Variants in GNA11 observed in about 807,000 individuals in gnomAD.
GNA11 encodes guanine nucleotide-binding protein subunit alpha-11.
Under a neutral mutation model 38.2 loss-of-function variants are expected in GNA11, and 8 were observed. The ratio of observed to expected loss-of-function variants is 0.21; its 90% CI spans 0.12 to 0.38. The LOEUF (loss-of-function observed/expected upper bound fraction) is 0.38, where lower values mean the gene tolerates loss of function less well. GNA11 is among the 10% of genes least tolerant of loss of function. GNA11 has a pLI of 1.00. For synonymous variants in GNA11, 211 were observed against 221.4 expected (o/e 0.95, Z 0.42); for missense variants, 268 against 516.3 (o/e 0.52, Z 4.66).
intron 4 of GNA11, among the ~76,000 whole-genome samples, chr19:3,116,970 G>A (rs1913940818): frequency 6.6e-6 from 1 of 152,110 alleles, no homozygotes; most frequent in South Asian, 2.1e-4. Flanking sequence ...CGGCCTCCCA[G>A]CGCAGGCAGG....
Position 3,113,276 on chromosome 19 carries a change from G to T in GNA11, c.322-54G>T, listed in dbSNP as rs570162057. On this transcript the variant is annotated intron_variant, in intron 2 of 6. Coordinates refer to ENST00000078429, the MANE Select transcript of GNA11 (RefSeq NM_002067.5). ...GAAGAGGGGCCGTCACAAGCTTTCT[G>T]GTGGATGTGTGGCCCCAGCGAGCTC... The T allele has an allele frequency of 3.1e-5, 49 of 1,564,454 alleles. No individual in the cohort carries two copies. The South Asian group carries it at 4.9e-4, about 16-fold the overall frequency.
intron 1 of GNA11, among the ~76,000 whole-genome samples, chr19:3,106,783 G>A (rs751734409): frequency 2.2e-4 from 34 of 152,256 alleles, no homozygotes; most frequent in Non-Finnish European, 4.7e-4. Flanking sequence ...TGTGCATTGT[G>A]TGCATATATG....
At position 3,099,815 on chromosome 19, in the gene GNA11, C is replaced by T. The variant is rs112290284; in HGVS notation, c.136+5028C>T. Among the ~76,000 whole-genome samples, 517 of 152,306 alleles carry T rather than the reference C, an allele frequency of 3.4e-3. 1 individual carries two copies. The highest frequency in any genetic ancestry group is 0.012 in the African/African-American group (490 of 41,566). On this transcript the variant is annotated intron_variant, in intron 1 of 6. Transcript: ENST00000078429. ...AGGACAGCACTGGTGGGTGGGTCTT[C>T]GGGCCACCTGCAGGGCCTGGGAGCA...
chr19:3,099,678 C>G (rs1187011464), intron 1 of GNA11, among the ~76,000 whole-genome samples: 1 of 152,214 alleles, frequency 6.6e-6, no homozygotes, highest in African/African-American at 2.4e-5. Context: ...GTGGTCCAGT[C>G]TCCCACCCTC....
Position 3,121,014 on chromosome 19 carries a change from G to A in GNA11, c.915G>A (p.Ala305=), listed in dbSNP as rs750757769. 2.5e-5 allele frequency: 41 copies of A among 1,613,436 alleles called. No homozygotes were observed. In the East Asian group the frequency reaches 4.9e-4, roughly 19 times the overall value. ...GTCCCCAGCGGGACGCCCAGGCGGC[G>A]CGGGAGTTCATCCTGAAGATGTTCG... is the stretch of plus-strand genomic sequence containing the variant. The part of the protein sequence containing the change: ...FDGPQRDAQA[A]REFILKMFVD... Residue 305 remains alanine, a synonymous_variant, in exon 7 of 7, where the codon GCG becomes GCA. Transcript: ENST00000078429.
rs1182692164 is a variant in GNA11, at chr19:3,095,969, TC to T, written c.136+1183del. On this transcript the variant is annotated intron_variant, in intron 1 of 6. Coordinates refer to ENST00000078429, the MANE Select transcript of GNA11 (RefSeq NM_002067.5). The stretch of plus-strand genomic sequence containing the variant: ...CTTCAGTGGTTTACAAAACAGAAGC[TC>T]TTGCCCTGCCCCGCCCCTGCCCTCC... Among the ~76,000 whole-genome samples the T allele has an allele frequency of 3.9e-5, 6 of 152,212 alleles. No homozygotes were observed. In the East Asian group the frequency reaches 1.2e-3, roughly 30 times the overall value.
At chr19:3,097,255 T>C (rs1474311402) in intron 1 of GNA11, among the ~76,000 whole-genome samples, 1 of 152,162 alleles carries the variant, frequency 6.6e-6, no homozygotes, top group Non-Finnish European at 1.5e-5. Context: ...CAGAGACCTC[T>C]GGGTGGAGGT....
chr19:3,102,297 A>C (rs1599297577), intron 1 of GNA11, among the ~76,000 whole-genome samples: 1 of 152,150 alleles, frequency 6.6e-6, no homozygotes, highest in African/African-American at 2.4e-5. Flanking sequence ...CCTTTGAGGC[A>C]CCTGGGGACT....
chr19:3,094,842 C>T lies in GNA11; in HGVS notation c.136+55C>T. On this transcript the variant is annotated intron_variant, in intron 1 of 6. Coordinates refer to ENST00000078429, the MANE Select transcript of GNA11 (RefSeq NM_002067.5). This position sits in a 1 kb window ranked among gnomAD's most constrained non-coding sequence, Gnocchi z 6.0. ...CGGGCCCTGCCCTGCCTGTGCCTGC[C>T]CTGCCTGTCCGGGTCGGGCCGGGAC... 1 of 1,336,594 alleles carries T rather than the reference C, an allele frequency of 7.5e-7. No individual in the cohort carries two copies. Among genetic ancestry groups the T allele is most frequent in the South Asian group, 1.6e-5 (1 of 63,796 alleles). The allele number at this position is 1,336,594 out of a possible 1,614,324, so 82.8% of individuals were successfully genotyped here.
intron 4 of GNA11, 109 bp downstream of exon 4, chr19:3,115,181 A>G (rs1216765803): frequency 2.3e-6 from 3 of 1,276,696 alleles, no homozygotes; most frequent in Admixed American, 1.9e-5. Flanking sequence ...AGGCGGGAGG[A>G]TCGCCTGAGT....
chr19:3,107,740 G>A (rs1274081692), intron 1 of GNA11, among the ~76,000 whole-genome samples: 2 of 152,180 alleles, frequency 1.3e-5, no homozygotes, highest in Non-Finnish European at 2.9e-5. Context: ...AGATGGAGTG[G>A]GTGGGGGCCA....
At chr19:3,116,727 C>T (rs308049) in intron 4 of GNA11, among the ~76,000 whole-genome samples, 33,398 of 152,224 alleles carry the variant, frequency 0.22, 4,505 homozygotes, top group Non-Finnish European at 0.29. Context: ...GCGGTGGCTC[C>T]GGTTGCGGGT....
intron 4 of GNA11, 159 bp from the exon 5 acceptor site, chr19:3,118,761 GCTCT>G: frequency 1.5e-6 from 1 of 650,628 alleles, no homozygotes. Flanking sequence ...CGGTGCGGCC[GCTCT>G]CTGAGAGCGT....
rs200749843 is a variant in GNA11 at position 3,096,711 on chromosome 19, C to CG, written c.136+1924_136+1925insG. Among the ~76,000 whole-genome samples, 337 of 151,706 alleles carry CG rather than the reference C, an allele frequency of 2.2e-3. 9 individuals are homozygous for CG. In the East Asian group the frequency reaches 0.057, roughly 26 times the overall value. On this transcript the variant is annotated intron_variant, in intron 1 of 6. Transcript: ENST00000078429. ...AGCACCTGTGTCTGCAGTCCCACCC[C>CG]CTCCCACTCTGTGAGCCTGAAAGTT...
rs1453499429 is a variant in GNA11, at chr19:3,094,862, C to T, written c.136+75C>T. ...CCTGCCCTGCCTGTCCGGGTCGGGCCGGGACCCTCCGGGGTCAGCCCTGCC... is the reference window on the plus strand; with the variant it reads ...CCTGCCCTGCCTGTCCGGGTCGGGCTGGGACCCTCCGGGGTCAGCCCTGCC... On this transcript the variant is annotated intron_variant, in intron 1 of 6. Coordinates refer to ENST00000078429, the MANE Select transcript of GNA11 (RefSeq NM_002067.5). The surrounding 1 kb of genome is among the most constrained non-coding windows in gnomAD (Gnocchi z 6.0). 7.0e-6 allele frequency: 8 copies of T among 1,145,302 alleles called. No homozygotes were observed. In the East Asian group the frequency reaches 1.9e-4, roughly 27 times the overall value. The allele number at this position is 1,145,302 out of a possible 1,614,324, so 70.9% of individuals were successfully genotyped here.
At chr19:3,111,949 C>T (rs967643596) in intron 2 of GNA11, among the ~76,000 whole-genome samples, 1 of 152,240 alleles carries the variant, frequency 6.6e-6, no homozygotes, top group Non-Finnish European at 1.5e-5. Context: ...CTGTGGCCCT[C>T]TCTGAGAGTC....
intron 1 of GNA11, among the ~76,000 whole-genome samples, chr19:3,098,676 G>A (rs919658362): frequency 4.6e-5 from 7 of 152,244 alleles, no homozygotes; most frequent in South Asian, 4.1e-4. Context: ...CATGGGGTGC[G>A]GTGGCCCCAC....
At chr19:3,113,607 C>T (rs533410209) in intron 3 of GNA11, 123 bp downstream of exon 3, 167 of 704,234 alleles carry the variant, frequency 2.4e-4, no homozygotes, top group Non-Finnish European at 3.3e-4. Flanking sequence ...GGCAGGGATG[C>T]GGTGGGCCCG....
At position 3,119,413 on chromosome 19, in the gene GNA11, GAGGGGGCTGATATGGGA is replaced by G. The variant is rs1389363342; in HGVS notation, c.889+55_889+71del. ...CTCGCGGGCAGGGCCTTACTGGGGG[GAGGGGGCTGATATGGGA>G]GAGGGGCTCATACAGGCCGGGAGCT... is the stretch of plus-strand genomic sequence containing the variant. On this transcript the variant is annotated intron_variant, in intron 6 of 6. Transcript: ENST00000078429. The surrounding 1 kb of genome is among the most constrained non-coding windows in gnomAD (Gnocchi z 4.6). 1.0e-5 allele frequency: 16 copies of G among 1,546,944 alleles called. No individual in the cohort carries two copies. In the African/African-American group the frequency reaches 2.2e-4, roughly 21 times the overall value.
Sources: gnomAD v4.1 joint callset for allele counts (sites outside exome capture counted in the v4.1 genomes callset) on GRCh38, gnomAD v4.1.1 for gene constraint, Gnocchi (gnomAD v3.1) non-coding constraint, MANE v1.5 for transcripts, NCBI Gene and HGNC (gene_info 2026-07-23, HGNC 2026-07-21) for gene names.